KIF6: variants seen among roughly 807,000 people sequenced by gnomAD.
KIF6 encodes the protein kinesin family member 6, also known as kinesin-like protein KIF6.
In KIF6, 106 loss-of-function variants were observed where a neutral mutation model predicts 112.7. The observed-to-expected ratio is 0.94, with a 90% CI of 0.80 to 1.11. The LOEUF (loss-of-function observed/expected upper bound fraction) is 1.11. Ranked by LOEUF, KIF6 falls within the 50% of genes least tolerant of loss-of-function variation. The probability of loss-of-function intolerance (pLI) is 0.00; values close to 1 mark genes in which losing one functional copy is unlikely to be tolerated. For synonymous variants in KIF6, 339 were observed against 339.9 expected, an observed-to-expected ratio of 1.00 and a Z score of 0.03; for missense variants, 929 against 964.0, an observed-to-expected ratio of 0.96 and a Z score of 0.48.
intron 3 of KIF6, among the ~76,000 whole-genome samples, chr6:39,694,058 A>T (rs1788381454): frequency 6.6e-6 from 1 of 152,158 alleles, no homozygotes; most frequent in African/African-American, 2.4e-5. Context: ...AATTAAAAAC[A>T]AAAACCATAT....
intron 12 of KIF6, 35 bp from the exon 13 acceptor site, chr6:39,540,256 T>C: frequency 7.8e-7 from 1 of 1,279,720 alleles, no homozygotes; most frequent in Non-Finnish European, 1.1e-6. Flanking sequence ...TGCCTGATGC[T>C]AGCTTATAGT....
At chr6:39,347,503 C>T (rs1581636406) in intron 19 of KIF6, among the ~76,000 whole-genome samples, 1 of 152,330 alleles carries the variant, frequency 6.6e-6, no homozygotes, top group East Asian at 1.9e-4. Flanking sequence ...GGTTGGAGGC[C>T]AGTGTATTCC....
rs1763397013 is a variant in KIF6 at position 39,342,615 on chromosome 6, T to TTTTTTATTTA, written c.2428+1093_2428+1094insTAAATAAAAA. 7.6e-6 allele frequency among the ~76,000 whole-genome samples: 1 copy of TTTTTTATTTA among 132,130 alleles called. No homozygotes were observed. The highest frequency in any genetic ancestry group is 3.6e-5 in the African/African-American group (1 of 27,938). 86.7% of individuals were successfully genotyped at this position (132,130 alleles called of 152,430 possible). On this transcript the variant is annotated intron_variant, in intron 22 of 22. Transcript: ENST00000287152. The surrounding 1 kb of genome is among the most constrained non-coding windows in gnomAD (Gnocchi z 4.7). ...TCCAGTTTTTTATTTTTTTTTATTTTTTTTTATTTTTTTTTATTTTTAGAC... is the reference window on the plus strand; with the variant it reads ...TCCAGTTTTTTATTTTTTTTTATTTTTTTTTATTTATTTTTATTTTTTTTTATTTTTAGAC...
chr6:39,390,675 G>T (rs6905482), intron 15 of KIF6, among the ~76,000 whole-genome samples: 4,557 of 152,272 alleles, frequency 0.03, 226 homozygotes, highest in African/African-American at 0.1. Flanking sequence ...TACTACTAGA[G>T]TTTCTGGGCA....
chr6:39,711,217 C>T (rs947204314), intron 3 of KIF6, among the ~76,000 whole-genome samples: 1 of 128,128 alleles, frequency 7.8e-6, no homozygotes, highest in African/African-American at 2.9e-5. Context: ...TACCTAGACT[C>T]ATTAATATCA....
chr6:39,347,533 G>A (rs548893279), intron 19 of KIF6, among the ~76,000 whole-genome samples: 5 of 152,200 alleles, frequency 3.3e-5, no homozygotes, highest in Non-Finnish European at 7.3e-5. Flanking sequence ...TGGTTACAAG[G>A]TCCTTACTCT....
In KIF6 at chr6:39,619,567, C is replaced by T. The variant is rs115559801; in HGVS notation, c.510-6249G>A. 6.2e-3 allele frequency among the ~76,000 whole-genome samples: 942 copies of T among 152,292 alleles called. 9 individuals carry two copies. The highest frequency in any genetic ancestry group is 7.2e-3 in the Non-Finnish European group (489 of 68,018). On this transcript the variant is annotated intron_variant, in intron 5 of 22. Transcript: ENST00000287152. ...CCAGCTGCACACTCTCCAGAAGTGT[C>T]TGCTGCTTACTGTGCTCGTATGCTT...
intron 6 of KIF6, among the ~76,000 whole-genome samples, chr6:39,609,889 C>T (rs1783122978): frequency 6.6e-6 from 1 of 152,150 alleles, no homozygotes; most frequent in Non-Finnish European, 1.5e-5. Flanking sequence ...ATTCTGAATC[C>T]ATCAACCAGA....
chr6:39,494,789 G>A lies in KIF6; in HGVS notation c.1645+45214C>T, dbSNP rs184068483. Among the ~76,000 whole-genome samples the A allele has an allele frequency of 2.6e-3, 390 of 151,384 alleles. 2 individuals are homozygous for A. Among genetic ancestry groups the A allele is most frequent in the African/African-American group, 8.5e-3 (352 of 41,292 alleles). On this transcript the variant is annotated intron_variant, in intron 13 of 22. Coordinates refer to ENST00000287152, the MANE Select transcript of KIF6 (RefSeq NM_145027.6). ...TAAAATCCATAAGAAATGTCCTTAT[G>A]ACAAGTTTTTTTTTTCATTTTTTAC...
intron 3 of KIF6, among the ~76,000 whole-genome samples, chr6:39,661,144 T>C (rs555022354): frequency 1.3e-5 from 2 of 152,326 alleles, no homozygotes; most frequent in South Asian, 4.1e-4. Flanking sequence ...AAAAGACACA[T>C]CAAATTCTGC....
In KIF6 at chr6:39,333,759, C is replaced by T. The variant is rs2113869589; in HGVS notation, c.*2773G>A. The T allele has an allele frequency of 6.6e-6, 1 of 152,342 alleles. No homozygotes were observed. Among genetic ancestry groups the T allele is most frequent in the East Asian group, 1.9e-4 (1 of 5,182 alleles). 9.4% of individuals were successfully genotyped at this position (152,342 alleles called of 1,614,324 possible). ...TACATTTTAACTTCCCTCCTCCAAC[C>T]TCCGTCCACCCTACTTCTTGTCAAG... On this transcript the variant is annotated 3_prime_UTR_variant, in exon 23 of 23. Coordinates refer to ENST00000287152, the MANE Select transcript of KIF6 (RefSeq NM_145027.6).
At chr6:39,677,758 C>T (rs1314573411) in intron 3 of KIF6, among the ~76,000 whole-genome samples, 12 of 126,000 alleles carry the variant, frequency 9.5e-5, no homozygotes, top group African/African-American at 3.3e-4. Flanking sequence ...GTTCAATTCC[C>T]ACCTATGAGT....
At chr6:39,475,308 A>G (rs958530837) in intron 13 of KIF6, among the ~76,000 whole-genome samples, 3 of 152,230 alleles carry the variant, frequency 2.0e-5, no homozygotes, top group African/African-American at 7.2e-5. Context: ...AATGCTGAAC[A>G]TATGTCAAAG....
intron 4 of KIF6, among the ~76,000 whole-genome samples, chr6:39,635,254 C>T (rs1377664568): frequency 6.6e-6 from 1 of 151,904 alleles, no homozygotes. Flanking sequence ...GGTTGCAGAA[C>T]TGTATAACAC....
At chr6:39,548,740 C>G (rs899438685) in intron 10 of KIF6, among the ~76,000 whole-genome samples, 2 of 152,200 alleles carry the variant, frequency 1.3e-5, no homozygotes, top group African/African-American at 2.4e-5. Flanking sequence ...AGTCCCTGCT[C>G]CCTCTAAGGG....
At chr6:39,412,415 A>G (rs937039297) in intron 15 of KIF6, among the ~76,000 whole-genome samples, 5 of 152,202 alleles carry the variant, frequency 3.3e-5, no homozygotes, top group African/African-American at 1.2e-4. Context: ...TTGCTTTTCA[A>G]GAGTCCCGTG....
At chr6:39,544,737 A>T (rs1318425430) in intron 11 of KIF6, 44 bp from the exon 12 acceptor site, 1 of 1,250,216 alleles carries the variant, frequency 8.0e-7, no homozygotes, top group Non-Finnish European at 1.1e-6. Flanking sequence ...CTCTAGTCCA[A>T]ATTTCTTTGT....
intron 13 of KIF6, among the ~76,000 whole-genome samples, chr6:39,476,793 T>C (rs563019412): frequency 6.6e-6 from 1 of 152,360 alleles, no homozygotes; most frequent in South Asian, 2.1e-4. Context: ...ACATAAATAA[T>C]TTATTCACCC....
intron 13 of KIF6, among the ~76,000 whole-genome samples, chr6:39,456,260 C>A (rs1773096068): frequency 1.1e-5 from 1 of 90,468 alleles, no homozygotes; most frequent in Admixed American, 1.3e-4. Flanking sequence ...ATTTCATATC[C>A]AGCCAAACAA....
Sources: allele counts gnomAD v4.1 joint callset (sites outside exome capture counted in the v4.1 genomes callset), GRCh38; gene constraint gnomAD v4.1.1; non-coding constraint Gnocchi (gnomAD v3.1); transcripts MANE v1.5; gene names NCBI Gene and HGNC (gene_info 2026-07-23, HGNC 2026-07-21).